The following AKT2 variants were observed in gnomAD, a reference collection of about 807,000 sequenced individuals.
AKT2 encodes RAC-beta serine/threonine-protein kinase.
A neutral mutation model predicts 58.6 loss-of-function variants in AKT2; 16 were observed. That is an observed-to-expected ratio of 0.27 (90% CI 0.18 to 0.41). The LOEUF (loss-of-function observed/expected upper bound fraction) is 0.41. Among genes scored for constraint, AKT2 ranks in the 10% least tolerant of loss-of-function variants. AKT2 has a pLI of 1.00. For missense variants in AKT2, 438 were observed against 661.0 expected (o/e 0.66, Z 3.70); for synonymous variants, 253 against 254.0 (o/e 1.00, Z 0.04).
At chr19:40,263,314 T>C (rs1976096266) in intron 2 of AKT2, among the ~76,000 whole-genome samples, 1 of 152,144 alleles carries the variant, frequency 6.6e-6, no homozygotes, top group Non-Finnish European at 1.5e-5. Context: ...ACGCCAACCA[T>C]TCATTCAACA....
At position 40,233,944 on chromosome 19, in the gene AKT2, G is replaced by A. The variant is rs753179882; in HGVS notation, c.1374C>T (p.Ser458=). The A allele has an allele frequency of 3.2e-5, 52 of 1,610,950 alleles. No homozygotes were observed. Among genetic ancestry groups the A allele is most frequent in the Non-Finnish European group, 4.2e-5 (49 of 1,179,910 alleles). Residue 458 remains serine, a synonymous_variant, in exon 14 of 14, where the codon AGC becomes AGT. Coordinates refer to ENST00000392038, the MANE Select transcript of AKT2 (RefSeq NM_001626.6). The surrounding 1 kb of genome is among the most constrained non-coding windows in gnomAD (Gnocchi z 4.3). ...ITITPPDRYD[S]LGLLELDQRT... ...GCTGGTCCAGCTCCAGTAAGCCCAG[G>A]CTGTCATCTGTGGGCGGCAGAGGTG...
chr19:40,243,017 G>A (rs923611099), intron 4 of AKT2: 46 of 345,976 alleles, frequency 1.3e-4, no homozygotes, highest in African/African-American at 7.5e-4. Flanking sequence ...GGTGGCATTC[G>A]CCTAATCCCA....
intron 4 of AKT2, 43 bp downstream of exon 4, chr19:40,255,115 C>T (rs1370313774): frequency 6.8e-7 from 1 of 1,469,002 alleles, no homozygotes. Flanking sequence ...TCACACCAGG[C>T]TTGCTCCCTC....
chr19:40,236,173 G>A, intron 10 of AKT2, 69 bp from the exon 11 acceptor site: 1 of 1,613,396 alleles, frequency 6.2e-7, no homozygotes, highest in African/African-American at 1.3e-5. Context: ...CTGCCCTCAG[G>A]GCATCTGGGC....
Position 40,281,058 on chromosome 19 carries a change from A to G in AKT2, c.-85+4123T>C, listed in dbSNP as rs2077414830. ...AGTGAAACCTTTTCCTCGGCTCCAC[A>G]ATACCCTTAGGATCCATCCTCACCT... is the stretch of plus-strand genomic sequence containing the variant. On this transcript the variant is annotated intron_variant, in intron 1 of 13. Coordinates refer to ENST00000392038, the MANE Select transcript of AKT2 (RefSeq NM_001626.6). 2.6e-5 allele frequency among the ~76,000 whole-genome samples: 4 copies of G among 152,320 alleles called. No homozygotes were observed. The South Asian group carries it at 8.3e-4, about 32-fold the overall frequency.
chr19:40,234,021 G>A lies in AKT2; in HGVS notation c.1367-70C>T, dbSNP rs1446690160. Reference sequence around the variant, plus strand: ...CCTGGGACACCTGCCCAGACTCCCTGGGGAAACGGCCCCAGCTGGCGGGGG... The same window carrying A: ...CCTGGGACACCTGCCCAGACTCCCTAGGGAAACGGCCCCAGCTGGCGGGGG... On this transcript the variant is annotated intron_variant, in intron 13 of 13. Coordinates refer to ENST00000392038, the MANE Select transcript of AKT2 (RefSeq NM_001626.6). This position sits in a 1 kb window ranked among gnomAD's most constrained non-coding sequence, Gnocchi z 4.7. The A allele has an allele frequency of 9.2e-6, 14 of 1,522,060 alleles. No individual in the cohort carries two copies. The highest frequency in any genetic ancestry group is 8.9e-5 in the Admixed American group (5 of 56,402). The allele number at this position is 1,522,060 out of a possible 1,614,324, so 94.3% of individuals were successfully genotyped here.
rs2145191273 is a variant in AKT2, at chr19:40,240,086, C to T, written c.598G>A (p.Glu200Lys). 1 of 1,614,022 alleles carries T rather than the reference C, an allele frequency of 6.2e-7. No individual in the cohort carries two copies. The highest frequency in any genetic ancestry group is 8.5e-7 in the Non-Finnish European group (1 of 1,180,010). The change falls in exon 7 of 14, where the codon GAG (glutamate) becomes AAG (lysine). Residue 200 changes from glutamate (E) to lysine (K), a missense_variant. Physicochemically the swap from Glu to Lys is moderately conservative, Grantham distance 56 (BLOSUM62 1). Coordinates refer to ENST00000392038, the MANE Select transcript of AKT2 (RefSeq NM_001626.6). ...CTGGTGTTCTGGAGGACCCGGCTCT[C>T]GGTGACTGTGTGAGCGACTTCATCC... Reference protein sequence around the residue: ...AKDEVAHTVTESRVLQNTRHP... With the variant: ...AKDEVAHTVTKSRVLQNTRHP...
chr19:40,253,710 C>T (rs1435284607), intron 4 of AKT2, among the ~76,000 whole-genome samples: 1 of 152,220 alleles, frequency 6.6e-6, no homozygotes, highest in Non-Finnish European at 1.5e-5. Flanking sequence ...ACTCGTCACA[C>T]AGGTCTACCT....
chr19:40,238,822 A>C lies in AKT2; in HGVS notation c.708+83T>G. Reference sequence around the variant, plus strand: ...CACTGAAATTTCCCTCCACCCTTCCATCTCACCCACAGCTCCTCTCCATCC... The same window carrying C: ...CACTGAAATTTCCCTCCACCCTTCCCTCTCACCCACAGCTCCTCTCCATCC... On this transcript the variant is annotated intron_variant, in intron 8 of 13. Transcript: ENST00000392038. This position sits in a 1 kb window ranked among gnomAD's most constrained non-coding sequence, Gnocchi z 5.1. 1 of 1,443,456 alleles carries C rather than the reference A, an allele frequency of 6.9e-7. No individual in the cohort carries two copies. The highest frequency in any genetic ancestry group is 1.1e-5 in the South Asian group (1 of 87,616). 89.4% of individuals were successfully genotyped at this position (1,443,456 alleles called of 1,614,324 possible). A position where few individuals can be genotyped will look rare whatever the true frequency, so the allele number is the denominator to read the frequency against.
rs530175902 is a variant in AKT2 at position 40,258,907 on chromosome 19, A to T, written c.47-1853T>A. 3.0e-3 allele frequency among the ~76,000 whole-genome samples: 455 copies of T among 152,322 alleles called. 2 individuals are homozygous for T. The highest frequency in any genetic ancestry group is 0.016 in the South Asian group (78 of 4,826). On this transcript the variant is annotated intron_variant, in intron 2 of 13. Coordinates refer to ENST00000392038, the MANE Select transcript of AKT2 (RefSeq NM_001626.6). ...TTCTTTTTTCAGAAATAGAAAAGCCAATCCTCACATTCACATGGAATTTCA... is the reference window on the plus strand; with the variant it reads ...TTCTTTTTTCAGAAATAGAAAAGCCTATCCTCACATTCACATGGAATTTCA...
At chr19:40,243,581 G>A (rs1841968077) in intron 4 of AKT2, 1 of 152,198 alleles carries the variant, frequency 6.6e-6, no homozygotes, top group Non-Finnish European at 1.5e-5. Context: ...GCAGAAGGGA[G>A]CCTGGTTTAA....
chr19:40,277,837 C>T (rs529859179), intron 1 of AKT2, among the ~76,000 whole-genome samples: 10 of 152,310 alleles, frequency 6.6e-5, no homozygotes, highest in African/African-American at 1.9e-4. Context: ...CAGAACTACA[C>T]GTGGCACATA....
chr19:40,235,129 G>A lies in AKT2; in HGVS notation c.1282C>T (p.Pro428Ser), dbSNP rs752215436. 1 of 1,614,104 alleles carries A rather than the reference G, an allele frequency of 6.2e-7. No individual in the cohort carries two copies. Among genetic ancestry groups the A allele is most frequent in the Non-Finnish European group, 8.5e-7 (1 of 1,180,004 alleles). ...VQKKLLPPFK[P>S]QVTSEVDTRY... ...GTGTCGACCTCGGACGTGACCTGAG[G>A]TTTGAAGGGTGGCAGGAGCTACGGA... is the stretch of plus-strand genomic sequence containing the variant. Residue 428 changes from proline to serine, a missense_variant, in exon 13 of 14, where the codon CCT (proline) becomes TCT (serine). Transcript: ENST00000392038. This position sits in a 1 kb window ranked among gnomAD's most constrained non-coding sequence, Gnocchi z 6.3.
chr19:40,239,157 T>C (rs1039294396), intron 7 of AKT2, 184 bp from the exon 8 acceptor site: 3 of 590,308 alleles, frequency 5.1e-6, no homozygotes, highest in African/African-American at 3.7e-5. Flanking sequence ...AGTGAAGGCA[T>C]GGCTCTGCGG....
Position 40,235,382 on chromosome 19 carries a change from C to G in AKT2, c.1176-32G>C, listed in dbSNP as rs1431019911. 2 of 1,610,358 alleles carry G rather than the reference C, an allele frequency of 1.2e-6. No individual in the cohort carries two copies. Among genetic ancestry groups the G allele is most frequent in the Non-Finnish European group, 1.7e-6 (2 of 1,177,790 alleles). ...AGAGACGGCCGTCAGCACCTGCCTC[C>G]CGGAGCAGCTGGGTTCGGGCAGACG... On this transcript the variant is annotated intron_variant, in intron 11 of 13. Coordinates refer to ENST00000392038, the MANE Select transcript of AKT2 (RefSeq NM_001626.6). The surrounding 1 kb of genome is among the most constrained non-coding windows in gnomAD (Gnocchi z 6.3).
Position 40,274,516 on chromosome 19 carries a change from AC to A in AKT2, c.-84-9166del, listed in dbSNP as rs377280305. 1.8e-4 allele frequency: 28 copies of A among 159,918 alleles called. 1 individual carries two copies. The East Asian group carries it at 5.1e-3, about 29-fold the overall frequency. 9.9% of individuals were successfully genotyped at this position (159,918 alleles called of 1,614,324 possible). A position where few individuals can be genotyped will look rare whatever the true frequency, so the allele number is the denominator to read the frequency against. ...GCAGCAAAATAAAAAATAAATACAT[AC>A]GCAAATTAGACAGGATAGCCAAAGC... On this transcript the variant is annotated intron_variant, in intron 1 of 13. Transcript: ENST00000392038.
At chr19:40,265,754 G>C (rs546443684) in intron 1 of AKT2, among the ~76,000 whole-genome samples, 2 of 152,230 alleles carry the variant, frequency 1.3e-5, no homozygotes, top group East Asian at 3.9e-4. Context: ...GTACCTGAGG[G>C]AATGCGCAGA....
chr19:40,262,264 A>G (rs987046651), intron 2 of AKT2, among the ~76,000 whole-genome samples: 1 of 152,054 alleles, frequency 6.6e-6, no homozygotes, highest in Non-Finnish European at 1.5e-5. Context: ...AAAAGACAAA[A>G]AACAGGTAGA....
chr19:40,261,341 T>C (rs1470127720), intron 2 of AKT2, among the ~76,000 whole-genome samples: 1 of 152,122 alleles, frequency 6.6e-6, no homozygotes, highest in African/African-American at 2.4e-5. Flanking sequence ...AAGACCAGCC[T>C]GGCCAACATG....
Sources: gnomAD v4.1 joint callset for allele counts (sites outside exome capture counted in the v4.1 genomes callset) on GRCh38, gnomAD v4.1.1 for gene constraint, Gnocchi (gnomAD v3.1) non-coding constraint, MANE v1.5 for transcripts, NCBI Gene and HGNC (gene_info 2026-07-23, HGNC 2026-07-21) for gene names.